The following OR56A3 variants were observed in gnomAD, a reference collection of about 807,000 sequenced individuals.
The protein encoded by OR56A3 is olfactory receptor family 56 subfamily A member 3.
Under a neutral mutation model 17.5 loss-of-function variants are expected in OR56A3, and 23 were observed. The observed-to-expected ratio is 1.32, with a 90% CI of 0.95 to 1.87. OR56A3 has a LOEUF of 1.87. Ranked by LOEUF, OR56A3 falls within the 40% of genes most tolerant of loss-of-function variation. OR56A3 has a pLI of 0.00. For synonymous variants in OR56A3, 175 were observed against 150.6 expected (o/e 1.16, Z -1.19); for missense variants, 366 against 380.1 (o/e 0.96, Z 0.31).
the OR56A3 span, among the ~76,000 whole-genome samples, chr11:6,004,527 A>G: frequency 1.3e-5 from 2 of 152,206 alleles, no homozygotes; most frequent in Non-Finnish European, 2.9e-5. Context: ...TATTTATTTA[A>G]TCCAAGAATT....
At chr11:6,019,226 A>C in the OR56A3 span, 1 of 151,470 alleles carries the variant, frequency 6.6e-6, no homozygotes, top group Non-Finnish European at 1.5e-5. Context: ...GAAAAAAAAA[A>C]CTACAAGCCA....
rs1847884710 is a variant in OR56A3 at position 5,948,079 on chromosome 11, T to C, written c.733T>C (p.Cys245Arg). 1 of 1,614,228 alleles carries C rather than the reference T, an allele frequency of 6.2e-7. No homozygotes were observed. Among genetic ancestry groups the C allele is most frequent in the South Asian group, 1.1e-5 (1 of 91,088 alleles). Reference protein sequence around the residue: ...EGAVAKALSTCGSHFMLILFF... With the variant: ...EGAVAKALSTRGSHFMLILFF... Reference sequence around the variant, plus strand: ...TGCCGTGGCAAAGGCCCTAAGCACATGTGGCTCCCACTTCATGCTCATCCT... The same window carrying C: ...TGCCGTGGCAAAGGCCCTAAGCACACGTGGCTCCCACTTCATGCTCATCCT... The change falls in exon 3 of 3, where the codon TGT (cysteine) becomes CGT (arginine). Residue 245 changes from cysteine to arginine, a missense_variant. Cys to Arg is a radical substitution (Grantham distance 180, BLOSUM62 -3). Coordinates refer to ENST00000641160, the MANE Select transcript of OR56A3 (RefSeq NM_001003443.3).
At chr11:6,008,139 T>A in the OR56A3 span, among the ~76,000 whole-genome samples, 1 of 152,130 alleles carries the variant, frequency 6.6e-6, no homozygotes, top group East Asian at 1.9e-4. Flanking sequence ...ATATTCAGGA[T>A]CATGTGGGCT....
chr11:5,943,648 C>T (rs925035764), intron 1 of OR56A3, among the ~76,000 whole-genome samples: 18 of 151,976 alleles, frequency 1.2e-4, no homozygotes, highest in African/African-American at 4.3e-4. Context: ...GATACAAAAT[C>T]AATGTACAAA....
At chr11:6,013,041 C>T in the OR56A3 span, among the ~76,000 whole-genome samples, 23 of 152,230 alleles carry the variant, frequency 1.5e-4, no homozygotes, top group African/African-American at 5.5e-4. Flanking sequence ...CAGAAAGGCC[C>T]GGGTCTACAG....
At chr11:6,018,118 A>G in the OR56A3 span, among the ~76,000 whole-genome samples, 1 of 152,070 alleles carries the variant, frequency 6.6e-6, no homozygotes, top group Non-Finnish European at 1.5e-5. Context: ...GTTGAAAGGG[A>G]GGGATACACA....
chr11:5,970,771 ACTTTCTCTC>A, the OR56A3 span, among the ~76,000 whole-genome samples: 1 of 152,016 alleles, frequency 6.6e-6, no homozygotes, highest in Non-Finnish European at 1.5e-5. Context: ...CCACTGCCTA[ACTTTCTCTC>A]CTTTCTCTCC....
At chr11:6,002,721 T>C in the OR56A3 span, 1 of 1,614,046 alleles carries the variant, frequency 6.2e-7, no homozygotes, top group East Asian at 2.2e-5. Context: ...CGACCTGAGG[T>C]CAAACCAGAA....
rs1847887918 is a variant in OR56A3, at chr11:5,948,371, A to T, written c.*77A>T. 2.0e-6 allele frequency: 2 copies of T among 986,132 alleles called. No individual in the cohort carries two copies. Among genetic ancestry groups the T allele is most frequent in the African/African-American group, 3.3e-5 (2 of 61,324 alleles). The allele number at this position is 986,132 out of a possible 1,614,324, so 61.1% of individuals were successfully genotyped here. A position where few individuals can be genotyped will look rare whatever the true frequency, so the allele number is the denominator to read the frequency against. On this transcript the variant is annotated 3_prime_UTR_variant, in exon 3 of 3. Transcript: ENST00000641160. ...TTAATGAGTGAGTGGGCTGAAATTC[A>T]TATCTGTGACTTATAACCTCAAACT...
the OR56A3 span, among the ~76,000 whole-genome samples, chr11:5,998,364 G>C: frequency 0.83 from 126,999 of 152,120 alleles, 53,459 homozygotes; most frequent in South Asian, 0.93. Context: ...ACTCCTGCTA[G>C]AGTCTGATTT....
At chr11:5,982,281 C>T in the OR56A3 span, among the ~76,000 whole-genome samples, 9 of 152,060 alleles carry the variant, frequency 5.9e-5, no homozygotes, top group South Asian at 2.1e-4. Context: ...AGGGTGGTGA[C>T]GTTGAGGTTT....
At chr11:6,012,385 C>T in the OR56A3 span, among the ~76,000 whole-genome samples, 1 of 152,148 alleles carries the variant, frequency 6.6e-6, no homozygotes, top group Non-Finnish European at 1.5e-5. Flanking sequence ...GAAAGTAGTT[C>T]CTCTCTGCAC....
chr11:5,962,052 T>A, the OR56A3 span, among the ~76,000 whole-genome samples: 1 of 152,258 alleles, frequency 6.6e-6, no homozygotes, highest in Middle Eastern at 3.2e-3. Context: ...TTTATTATGT[T>A]GAGGTAAACT....
At chr11:5,982,314 G>A in the OR56A3 span, among the ~76,000 whole-genome samples, 13 of 152,320 alleles carry the variant, frequency 8.5e-5, no homozygotes, top group East Asian at 7.7e-4. Context: ...GTGCATTGGC[G>A]ATGGCGGGGT....
chr11:5,989,948 A>G, the OR56A3 span, among the ~76,000 whole-genome samples: 7 of 152,350 alleles, frequency 4.6e-5, no homozygotes, highest in Admixed American at 2.6e-4. Flanking sequence ...ATGTTGTTCA[A>G]TTGGTACTTA....
chr11:5,985,656 C>T, the OR56A3 span, among the ~76,000 whole-genome samples: 1 of 152,312 alleles, frequency 6.6e-6, no homozygotes, highest in East Asian at 1.9e-4. Context: ...ACATTCAGAG[C>T]TATCATCTAT....
Position 5,947,329 on chromosome 11 carries a change from T to G in OR56A3, c.-18T>G. On this transcript the variant is annotated 5_prime_UTR_variant, in exon 3 of 3. Coordinates refer to ENST00000641160, the MANE Select transcript of OR56A3 (RefSeq NM_001003443.3). ...TTTCCAGATCACTGAAAGAAAGCAG[T>G]AAAATATATGGGAAAATATGACAAC... 6.4e-7 allele frequency: 1 copy of G among 1,556,962 alleles called. No individual in the cohort carries two copies. The highest frequency in any genetic ancestry group is 1.4e-5 in the African/African-American group (1 of 73,058).
chr11:5,974,348 G>T, the OR56A3 span, among the ~76,000 whole-genome samples: 2 of 151,888 alleles, frequency 1.3e-5, no homozygotes, highest in Admixed American at 1.3e-4. Flanking sequence ...CTCGTGATCC[G>T]CCCGCCTCGG....
the OR56A3 span, chr11:6,007,081 C>G: frequency 6.6e-6 from 1 of 152,160 alleles, no homozygotes; most frequent in Non-Finnish European, 1.5e-5. Flanking sequence ...TGGTCCATGT[C>G]CCAGGAGAGT....
Sources: allele counts gnomAD v4.1 joint callset (sites outside exome capture counted in the v4.1 genomes callset), GRCh38; gene constraint gnomAD v4.1.1; transcripts MANE v1.5; gene names NCBI Gene and HGNC (gene_info 2026-07-23, HGNC 2026-07-21).